RRP12: variants seen among roughly 807,000 people sequenced by gnomAD.
RRP12 encodes RRP12-like protein.
A neutral mutation model predicts 157.3 loss-of-function variants in RRP12; 78 were observed. The observed-to-expected ratio is 0.50, with a 90% CI of 0.41 to 0.60. RRP12 has a LOEUF of 0.60. RRP12 is among the 20% of genes least tolerant of loss of function. The pLI, the probability that RRP12 is intolerant of heterozygous loss-of-function variation, is 0.00. For synonymous variants in RRP12, 726 were observed against 670.9 expected, an observed-to-expected ratio of 1.08 and a Z score of -1.27; for missense variants, 1,521 against 1,679.9, an observed-to-expected ratio of 0.91 and a Z score of 1.65.
At chr10:97,366,988 G>T in intron 26 of RRP12, 53 bp downstream of exon 26, 1 of 1,610,490 alleles carries the variant, frequency 6.2e-7, no homozygotes, top group Non-Finnish European at 8.5e-7. Context: ...GGTAGGACTG[G>T]AAATCCTCGG....
At chr10:97,377,898 C>T (rs911712318) in intron 15 of RRP12, among the ~76,000 whole-genome samples, 2 of 150,934 alleles carry the variant, frequency 1.3e-5, no homozygotes, top group African/African-American at 2.4e-5. Flanking sequence ...AAACAGACAG[C>T]GGATGAAATA....
rs756840314 is a variant in RRP12 at position 97,393,692 on chromosome 10, G to A, written c.522C>T (p.Val174=). The change falls in exon 4 of 34, where the codon GTC becomes GTT. Residue 174 remains valine (V), a synonymous_variant. Coordinates refer to ENST00000370992, the MANE Select transcript of RRP12 (RefSeq NM_015179.4). ...LAAVAYLLNL[V]LKRVPSPVLI... ...CAGGAGGCAGAACTCACCGCTTCAGGACAAGGTTCAGCAGGTAAGCAACGG... is the reference window on the plus strand; with the variant it reads ...CAGGAGGCAGAACTCACCGCTTCAGAACAAGGTTCAGCAGGTAAGCAACGG... 1.1e-5 allele frequency: 18 copies of A among 1,613,852 alleles called. No individual in the cohort carries two copies. The highest frequency in any genetic ancestry group is 8.3e-5 in the Admixed American group (5 of 59,970).
Position 97,357,059 on chromosome 10 carries a change from G to C in RRP12, c.*35C>G, listed in dbSNP as rs1843727740. The C allele has an allele frequency of 1.5e-6, 2 of 1,331,524 alleles. No homozygotes were observed. The highest frequency in any genetic ancestry group is 2.4e-5 in the South Asian group (2 of 83,794). The allele number at this position is 1,331,524 out of a possible 1,614,324, so 82.5% of individuals were successfully genotyped here. ...CAGCCTGGGGGCTGAAAGGGCCTCA[G>C]ACTGGACCACAGGGCAGCCCAGGGG... On this transcript the variant is annotated 3_prime_UTR_variant, in exon 34 of 34. Transcript: ENST00000370992.
At chr10:97,387,482 T>C (rs1444280979) in intron 8 of RRP12, among the ~76,000 whole-genome samples, 2 of 151,968 alleles carry the variant, frequency 1.3e-5, no homozygotes, top group Non-Finnish European at 2.9e-5. Flanking sequence ...TATAGGCGCG[T>C]GCAGCCATGC....
In RRP12 at chr10:97,369,353, G is replaced by A. The variant is rs531719469; in HGVS notation, c.2955+72C>T. On this transcript the variant is annotated intron_variant, in intron 25 of 33. Coordinates refer to ENST00000370992, the MANE Select transcript of RRP12 (RefSeq NM_015179.4). ...AAATAGTTTGAAACTTGCTGGCCTCGAAGCTTGCCAGGTCCATGCCAACAG... is the reference window on the plus strand; with the variant it reads ...AAATAGTTTGAAACTTGCTGGCCTCAAAGCTTGCCAGGTCCATGCCAACAG... The A allele has an allele frequency of 7.4e-5, 111 of 1,500,674 alleles. No homozygotes were observed. The East Asian group carries it at 8.9e-4, about 12-fold the overall frequency. 93.0% of individuals were successfully genotyped at this position (1,500,674 alleles called of 1,614,324 possible).
Position 97,396,222 on chromosome 10 carries a change from G to C in RRP12, c.449C>G (p.Ala150Gly). ...GKETETEYFAALMTTMEAVES... is the reference protein window; with the variant it reads ...GKETETEYFAGLMTTMEAVES... ...CCTCCAGTGGCACCCACTCACCAGA[G>C]CAGCGAAGTACTCAGTCTCCGTCTC... The change falls in exon 3 of 34, where the codon GCT (alanine) becomes GGT (glycine). Residue 150 changes from alanine to glycine, a missense_variant. Coordinates refer to ENST00000370992, the MANE Select transcript of RRP12 (RefSeq NM_015179.4). The C allele has an allele frequency of 6.2e-7, 1 of 1,611,180 alleles. No homozygotes were observed. The highest frequency in any genetic ancestry group is 8.5e-7 in the Non-Finnish European group (1 of 1,177,492).
At chr10:97,384,107 C>T (rs1163977207) in intron 10 of RRP12, among the ~76,000 whole-genome samples, 2 of 151,330 alleles carry the variant, frequency 1.3e-5, no homozygotes, top group Non-Finnish European at 3.0e-5. Context: ...CCCTGAGCAC[C>T]CCCAACCTCA....
chr10:97,370,686 C>G, intron 22 of RRP12, 30 bp downstream of exon 22: 1 of 1,610,160 alleles, frequency 6.2e-7, no homozygotes, highest in Non-Finnish European at 8.5e-7. Flanking sequence ...ATTCCAGGGA[C>G]CCCCCTCTAA....
chr10:97,370,280 G>A lies in RRP12; in HGVS notation c.2690-6C>T. ...GAGGTAGCACTGCAGGGCCTCTGGG[G>A]ACAGAGACCAACGTGGGTCAAGCAG... On this transcript the variant is annotated splice_polypyrimidine_tract_variant and splice_region_variant and intron_variant, in intron 23 of 33. Transcript: ENST00000370992. 6.3e-7 allele frequency: 1 copy of A among 1,580,320 alleles called. No homozygotes were observed. The highest frequency in any genetic ancestry group is 2.3e-5 in the East Asian group (1 of 43,848).
intron 6 of RRP12, among the ~76,000 whole-genome samples, chr10:97,390,149 G>A (rs540362726): frequency 3.3e-4 from 50 of 152,262 alleles, no homozygotes; most frequent in African/African-American, 1.1e-3. Flanking sequence ...CCTCCCTGCC[G>A]AGGTAAATAG....
chr10:97,388,423 G>A (rs370173108), intron 7 of RRP12, 44 bp from the exon 8 acceptor site: 71 of 1,612,668 alleles, frequency 4.4e-5, no homozygotes, highest in Non-Finnish European at 5.2e-5. Context: ...CCGCCCTACC[G>A]CAGGCCCTGT....
At chr10:97,380,726 C>T (rs1047276778) in intron 13 of RRP12, 73 bp downstream of exon 13, 15 of 1,065,226 alleles carry the variant, frequency 1.4e-5, no homozygotes, top group Non-Finnish European at 2.2e-5. Flanking sequence ...AACAGAGACA[C>T]GTGCCCTCCA....
intron 29 of RRP12, 98 bp from the exon 30 acceptor site, chr10:97,364,001 C>T (rs1274054162): frequency 1.0e-6 from 1 of 1,003,444 alleles, no homozygotes; most frequent in Non-Finnish European, 1.6e-6. Flanking sequence ...TGCGGGGCCA[C>T]CAACTCCGGC....
rs985880741 is a variant in RRP12 at position 97,372,746 on chromosome 10, C to T, written c.2239G>A (p.Asp747Asn). Residue 747 changes from aspartate (D) to asparagine (N), a missense_variant, in exon 19 of 34, where the codon GAC (aspartate) becomes AAC (asparagine). Physicochemically the swap from Asp to Asn is conservative, Grantham distance 23 (BLOSUM62 1). Coordinates refer to ENST00000370992, the MANE Select transcript of RRP12 (RefSeq NM_015179.4). ...SEKVLDPASS[D>N]FTRLSVLDLV... The stretch of plus-strand genomic sequence containing the variant: ...CCCTGAGCATGTTACCTGGTAAAGT[C>T]AGAGCTGGCAGGGTCGAGCACCTTC... 1.5e-5 allele frequency: 24 copies of T among 1,560,588 alleles called. No homozygotes were observed. The highest frequency in any genetic ancestry group is 2.0e-5 in the Non-Finnish European group (23 of 1,152,014).
At chr10:97,390,930 C>A in intron 4 of RRP12, 86 bp from the exon 5 acceptor site, 1 of 872,578 alleles carries the variant, frequency 1.1e-6, no homozygotes, top group South Asian at 1.3e-5. Context: ...GAGGACAGGG[C>A]AAGGGGCGCT....
chr10:97,379,915 CT>C, intron 13 of RRP12, 145 bp from the exon 14 acceptor site: 1 of 654,362 alleles, frequency 1.5e-6, no homozygotes, highest in Non-Finnish European at 2.4e-6. Flanking sequence ...CAATTAACCA[CT>C]GGTGACTGTA....
At chr10:97,359,104 A>G in intron 31 of RRP12, 94 bp from the exon 32 acceptor site, 1 of 908,818 alleles carries the variant, frequency 1.1e-6, no homozygotes. Context: ...GCTGCAAGGG[A>G]GCAGATGAGT....
Position 97,357,118 on chromosome 10 carries a change from G to T in RRP12, c.3870C>A (p.Asn1290Lys), listed in dbSNP as rs1158248074. The change falls in exon 34 of 34, where the codon AAC (asparagine) becomes AAA (lysine). Residue 1290 changes from asparagine to lysine, a missense_variant. Transcript: ENST00000370992. ...ARRGSQVGHK[N>K]RRKDRRP Reference sequence around the variant, plus strand: ...CTCAGGGTCGACGATCCTTTCTGCGGTTTTTGTGTCCCACCTGGGAACCTC... The same window carrying T: ...CTCAGGGTCGACGATCCTTTCTGCGTTTTTTGTGTCCCACCTGGGAACCTC... The T allele has an allele frequency of 6.2e-7, 1 of 1,612,184 alleles. No individual in the cohort carries two copies. The highest frequency in any genetic ancestry group is 1.1e-5 in the South Asian group (1 of 90,984).
intron 30 of RRP12, among the ~76,000 whole-genome samples, chr10:97,363,456 CG>C (rs200687985): frequency 0.042 from 6,388 of 152,286 alleles, 221 homozygotes; most frequent in Non-Finnish European, 0.063. Flanking sequence ...TACCTCTGTA[CG>C]CTCCTCTGGT....
Sources: gnomAD v4.1 joint callset for allele counts (sites outside exome capture counted in the v4.1 genomes callset) on GRCh38, gnomAD v4.1.1 for gene constraint, MANE v1.5 for transcripts, NCBI Gene and HGNC (gene_info 2026-07-23, HGNC 2026-07-21) for gene names.